NOX4: variants seen among roughly 807,000 people sequenced by gnomAD.
The protein encoded by NOX4 is NADPH oxidase 4, also known as kidney oxidase-1.
NOX4 carries 69 observed loss-of-function variants against 87.6 expected under a neutral mutation model. That is an observed-to-expected ratio of 0.79 (90% confidence interval 0.65 to 0.96). NOX4 has a LOEUF of 0.96. Ranked by LOEUF, NOX4 falls within the 40% of genes least tolerant of loss-of-function variation. The pLI is 0.00. For synonymous variants in NOX4, 275 were observed against 238.2 expected (o/e 1.15, Z -1.42); for missense variants, 680 against 681.5 (o/e 1.00, Z 0.02).
At chr11:89,534,727 C>A in the NOX4 span, among the ~76,000 whole-genome samples, 2 of 152,182 alleles carry the variant, frequency 1.3e-5, no homozygotes, top group Admixed American at 6.6e-5. Flanking sequence ...ACCCAGTAGA[C>A]TGGACTGCCC....
intron 5 of NOX4, among the ~76,000 whole-genome samples, chr11:89,442,652 T>C (rs1944508265): frequency 6.6e-6 from 1 of 152,102 alleles, no homozygotes. Context: ...CATAATAAAC[T>C]GTGGCTTGTT....
chr11:89,499,760 G>T (rs1368913493), upstream of NOX4, among the ~76,000 whole-genome samples: 1 of 152,142 alleles, frequency 6.6e-6, no homozygotes. Context: ...TCAGACAACT[G>T]CCAGTCAAAG....
the NOX4 span, among the ~76,000 whole-genome samples, chr11:89,552,284 G>A: frequency 6.6e-6 from 1 of 152,190 alleles, no homozygotes; most frequent in South Asian, 2.1e-4. Flanking sequence ...TCTGGGACTT[G>A]AATTCAGTTC....
intron 13 of NOX4, among the ~76,000 whole-genome samples, chr11:89,342,503 A>G (rs921408825): frequency 1.3e-5 from 2 of 152,160 alleles, no homozygotes; most frequent in African/African-American, 4.8e-5. Flanking sequence ...ATATTAGACT[A>G]TATGTCTAAT....
At chr11:89,431,849 G>C (rs1250278037) in intron 7 of NOX4, among the ~76,000 whole-genome samples, 2 of 152,108 alleles carry the variant, frequency 1.3e-5, no homozygotes, top group East Asian at 3.9e-4. Flanking sequence ...TCCCATTACT[G>C]GGTATATACC....
In NOX4 at chr11:89,390,710, G is replaced by A. The variant is rs182103129; in HGVS notation, c.1074+9307C>T. Reference sequence around the variant, plus strand: ...TGTTATTATTTGTGCTGAGAATAAGGGAGGTGAGGTGAAAAATGACTTCAT... The same window carrying A: ...TGTTATTATTTGTGCTGAGAATAAGAGAGGTGAGGTGAAAAATGACTTCAT... On this transcript the variant is annotated intron_variant, in intron 11 of 17. Transcript: ENST00000263317. 2.6e-5 allele frequency among the ~76,000 whole-genome samples: 4 copies of A among 152,222 alleles called. No homozygotes were observed. In the East Asian group the frequency reaches 7.7e-4, roughly 29 times the overall value.
the NOX4 span, among the ~76,000 whole-genome samples, chr11:89,563,107 T>G: frequency 6.6e-6 from 1 of 152,166 alleles, no homozygotes; most frequent in South Asian, 2.1e-4. Context: ...GAACTGTAAG[T>G]CAATTTAACC....
At position 89,490,568 on chromosome 11, in the gene NOX4, C is replaced by T. The variant is rs774581775; in HGVS notation, c.58-15G>A. The T allele has an allele frequency of 1.6e-5, 25 of 1,598,968 alleles. No individual in the cohort carries two copies. The highest frequency in any genetic ancestry group is 2.0e-5 in the Non-Finnish European group (23 of 1,166,630). ...AGCCAGATGAACTAAACCAATCAGA[C>T]ATGAGAGACAGAAAACAAAAATTGA... On this transcript the variant is annotated splice_polypyrimidine_tract_variant and intron_variant, in intron 1 of 17. Transcript: ENST00000263317.
the NOX4 span, among the ~76,000 whole-genome samples, chr11:89,516,385 A>G: frequency 7.2e-5 from 11 of 152,096 alleles, no homozygotes; most frequent in South Asian, 4.1e-4. Flanking sequence ...AATGAACACA[A>G]AGAAAAACAC....
chr11:89,543,465 G>C, the NOX4 span, among the ~76,000 whole-genome samples: 1 of 152,026 alleles, frequency 6.6e-6, no homozygotes, highest in Non-Finnish European at 1.5e-5. Flanking sequence ...CTACGAATTA[G>C]AGAAGACTGG....
chr11:89,456,623 C>G (rs1442229998), intron 2 of NOX4, among the ~76,000 whole-genome samples: 1 of 152,144 alleles, frequency 6.6e-6, no homozygotes, highest in Non-Finnish European at 1.5e-5. Flanking sequence ...CCCAGCAACT[C>G]CTGCGGAATG....
intron 11 of NOX4, among the ~76,000 whole-genome samples, chr11:89,375,408 C>A (rs544589559): frequency 3.9e-5 from 6 of 152,068 alleles, no homozygotes; most frequent in African/African-American, 4.8e-5. Context: ...CAGGTTCAAG[C>A]GATTCTCCTG....
At chr11:89,495,268 C>T (rs926681938), upstream of NOX4, among the ~76,000 whole-genome samples, 3 of 152,118 alleles carry the variant, frequency 2.0e-5, no homozygotes, top group African/African-American at 7.2e-5. Flanking sequence ...TGAGCCACTG[C>T]AACTAATGCA....
upstream of NOX4, among the ~76,000 whole-genome samples, chr11:89,502,921 C>A (rs920798510): frequency 1.3e-5 from 2 of 151,946 alleles, no homozygotes; most frequent in Admixed American, 6.6e-5. Flanking sequence ...AAAATGAACA[C>A]AATTCTTTTC....
chr11:89,452,077 TTC>T (rs1353493949), intron 2 of NOX4, among the ~76,000 whole-genome samples, 182 bp from the exon 3 acceptor site: 4 of 152,196 alleles, frequency 2.6e-5, no homozygotes, highest in Non-Finnish European at 4.4e-5. Context: ...AACGACTTCT[TTC>T]TGTTCTGCAC....
chr11:89,578,791 A>G, the NOX4 span, among the ~76,000 whole-genome samples: 1 of 152,208 alleles, frequency 6.6e-6, no homozygotes, highest in Non-Finnish European at 1.5e-5. Context: ...AATTGTATAT[A>G]TTACATTGTA....
At chr11:89,375,006 C>A (rs1939732015) in intron 11 of NOX4, among the ~76,000 whole-genome samples, 1 of 151,926 alleles carries the variant, frequency 6.6e-6, no homozygotes, top group Non-Finnish European at 1.5e-5. Flanking sequence ...GGAACGGTAG[C>A]CTGAAAAATC....
chr11:89,394,776 G>T (rs1416123288), intron 11 of NOX4, among the ~76,000 whole-genome samples: 1 of 152,004 alleles, frequency 6.6e-6, no homozygotes, highest in Non-Finnish European at 1.5e-5. Context: ...CCTTGTGATA[G>T]TTTGCTCAGA....
chr11:89,454,076 C>T (rs1047873953), intron 2 of NOX4, among the ~76,000 whole-genome samples: 11 of 152,072 alleles, frequency 7.2e-5, no homozygotes, highest in Non-Finnish European at 1.6e-4. Context: ...AGGTCACAGC[C>T]TCATATACAT....
Sources: gnomAD v4.1 joint callset for allele counts (sites outside exome capture counted in the v4.1 genomes callset) on GRCh38, gnomAD v4.1.1 for gene constraint, MANE v1.5 for transcripts, NCBI Gene and HGNC (gene_info 2026-07-23, HGNC 2026-07-21) for gene names.